MYOT: variants seen among roughly 807,000 people sequenced by gnomAD.
MYOT encodes the protein myotilin, also known as 57 kDa cytoskeletal protein.
MYOT carries 36 observed loss-of-function variants against 58.0 expected under a neutral mutation model. The ratio of observed to expected loss-of-function variants is 0.62; its 90% confidence interval spans 0.48 to 0.82. The LOEUF is 0.82. Ranked by LOEUF, MYOT falls within the 40% of genes least tolerant of loss-of-function variation. The pLI, the probability that MYOT is intolerant of heterozygous loss-of-function variation, is 0.00. For synonymous variants in MYOT, 218 were observed against 204.6 expected, an observed-to-expected ratio of 1.07 and a Z score of -0.56; for missense variants, 505 against 592.1, an observed-to-expected ratio of 0.85 and a Z score of 1.53.
intron 7 of MYOT, among the ~76,000 whole-genome samples, chr5:137,885,476 A>G (rs1345791952): frequency 6.6e-6 from 1 of 152,152 alleles, no homozygotes; most frequent in Non-Finnish European, 1.5e-5. Flanking sequence ...GATAAAGAAT[A>G]TAACTTAAAT....
chr5:137,881,928 C>A (rs1380847694), intron 5 of MYOT, 45 bp from the exon 6 acceptor site: 1 of 1,601,930 alleles, frequency 6.2e-7, no homozygotes, highest in African/African-American at 1.3e-5. Context: ...AAATGAAAAG[C>A]AATGATAATA....
chr5:137,882,264 T>G (rs989081068), intron 6 of MYOT, among the ~76,000 whole-genome samples, 159 bp downstream of exon 6: 9 of 152,226 alleles, frequency 5.9e-5, no homozygotes, highest in Admixed American at 5.9e-4. Flanking sequence ...ATTCTGGCTC[T>G]GCCATCCTCC....
At chr5:137,879,083 G>A (rs1048123702) in intron 4 of MYOT, among the ~76,000 whole-genome samples, 8 of 151,978 alleles carry the variant, frequency 5.3e-5, no homozygotes, top group Non-Finnish European at 7.4e-5. Context: ...CTATAGGTGC[G>A]CACACCGTGC....
chr5:137,884,181 T>C lies in MYOT; in HGVS notation c.1024+590T>C, dbSNP rs548080028. Among the ~76,000 whole-genome samples the C allele has an allele frequency of 3.3e-5, 5 of 152,222 alleles. No individual in the cohort carries two copies. In the South Asian group the frequency reaches 1.0e-3, roughly 32 times the overall value. ...CAGGGTAACAAATAGCAAGATCTTCTTTGTCTCTACAAAAAATAAAAAAAT... is the reference window on the plus strand; with the variant it reads ...CAGGGTAACAAATAGCAAGATCTTCCTTGTCTCTACAAAAAATAAAAAAAT... On this transcript the variant is annotated intron_variant, in intron 7 of 9. Transcript: ENST00000239926.
At chr5:137,885,771 C>CAAAAAAAAA (rs71583286) in intron 7 of MYOT, among the ~76,000 whole-genome samples, 7 of 30,980 alleles carry the variant, frequency 2.3e-4, no homozygotes, top group Non-Finnish European at 3.0e-4. Flanking sequence ...GACTCTGTCT[C>CAAAAAAAAA]AAAAAAAAAA....
chr5:137,873,386 T>C (rs1170487682), intron 2 of MYOT, among the ~76,000 whole-genome samples: 1 of 151,372 alleles, frequency 6.6e-6, no homozygotes, highest in Non-Finnish European at 1.5e-5. Flanking sequence ...ACAAAAAAAT[T>C]AGCAGGGTGT....
intron 4 of MYOT, among the ~76,000 whole-genome samples, chr5:137,878,983 T>C (rs1755323243): frequency 6.6e-6 from 1 of 152,166 alleles, no homozygotes; most frequent in South Asian, 2.1e-4. Flanking sequence ...AGCTTCCAAA[T>C]GTAGAAAACT....
intron 3 of MYOT, among the ~76,000 whole-genome samples, chr5:137,877,028 G>C (rs1226836032): frequency 6.7e-6 from 1 of 150,198 alleles, no homozygotes; most frequent in East Asian, 1.9e-4. Context: ...AATGGTACTA[G>C]AATAGAAGGA....
Position 137,880,826 on chromosome 5 carries a change from C to T in MYOT, c.644C>T (p.Ser215Leu), listed in dbSNP as rs1385637462. 1 of 1,612,682 alleles carries T rather than the reference C, an allele frequency of 6.2e-7. No homozygotes were observed. The highest frequency in any genetic ancestry group is 1.7e-5 in the Admixed American group (1 of 59,998). ...TGTTTTAATTTCAAGCAACACAACT[C>T]AGAACATGCGCGACTGCAAGTTCCT... ...SGAQDSQQHN[S>L]EHARLQVPTS... Residue 215 changes from serine to leucine, a missense_variant, in exon 5 of 10, where the codon TCA becomes TTA. Ser to Leu is a moderately radical substitution (Grantham distance 145). Coordinates refer to ENST00000239926, the MANE Select transcript of MYOT (RefSeq NM_006790.3).
chr5:137,877,382 A>AG, intron 3 of MYOT, 138 bp from the exon 4 acceptor site: 1 of 564,758 alleles, frequency 1.8e-6, no homozygotes, highest in East Asian at 3.2e-5. Flanking sequence ...AAAAAAAAAA[A>AG]AAAAAAAAAT....
In MYOT at chr5:137,881,976, T is replaced by G. The variant is rs1755447303; in HGVS notation, c.687T>G (p.Ser229Arg). The G allele has an allele frequency of 6.2e-7, 1 of 1,613,756 alleles. No individual in the cohort carries two copies. The highest frequency in any genetic ancestry group is 1.3e-5 in the African/African-American group (1 of 74,934). ...TGTTACCAAAATATTCTTGTAGAAG[T>G]AGATCAACCTCAAGGGGAGATGTGA... ...RLQVPTSQVR[S>R]RSTSRGDVND... Residue 229 changes from serine to arginine, a missense_variant, in exon 6 of 10, where the codon AGT becomes AGG. Ser to Arg is a moderately radical substitution (Grantham distance 110). Coordinates refer to ENST00000239926, the MANE Select transcript of MYOT (RefSeq NM_006790.3).
chr5:137,882,226 T>C (rs1249151472), intron 6 of MYOT, 121 bp downstream of exon 6: 6 of 1,145,996 alleles, frequency 5.2e-6, no homozygotes, highest in Non-Finnish European at 7.8e-6. Flanking sequence ...AGAACACAAA[T>C]TCTGAAGTCA....
At position 137,886,076 on chromosome 5, in the gene MYOT, T is replaced by C; in HGVS notation, c.1053T>C (p.Phe351=). 1.2e-6 allele frequency: 2 copies of C among 1,604,278 alleles called. No individual in the cohort carries two copies. The highest frequency in any genetic ancestry group is 1.7e-6 in the Non-Finnish European group (2 of 1,171,706). Residue 351 remains phenylalanine (F), a synonymous_variant, in exon 8 of 10, where the codon TTT becomes TTC. Coordinates refer to ENST00000239926, the MANE Select transcript of MYOT (RefSeq NM_006790.3). The part of the protein sequence containing the change: ...LAKEHKRAPM[F]IYKPQSKKVL... ...AAGAACATAAAAGAGCACCAATGTT[T>C]ATCTACAAACCACAGAGCAAAAAAG...
At chr5:137,885,968 C>T in intron 7 of MYOT, 80 bp from the exon 8 acceptor site, 3 of 986,128 alleles carry the variant, frequency 3.0e-6, no homozygotes, top group African/African-American at 3.3e-5. Context: ...TATCAACATA[C>T]AAATTTCATA....
intron 4 of MYOT, 29 bp downstream of exon 4, chr5:137,877,650 T>C (rs748364651): frequency 2.1e-6 from 3 of 1,453,372 alleles, no homozygotes; most frequent in Non-Finnish European, 2.9e-6. Context: ...AGTGGAGTAT[T>C]TTTATTCTGT....
In MYOT at chr5:137,887,345, T is replaced by C. The variant is rs372307298; in HGVS notation, c.1457T>C (p.Leu486Ser). ...AFNPEGEFQRLAAQSGLYESE... is the reference protein window; with the variant it reads ...AFNPEGEFQRSAAQSGLYESE... The stretch of plus-strand genomic sequence containing the variant: ...AACCCAGAAGGAGAATTTCAGCGTT[T>C]GGCAGCTCAATCTGGACTCTATGAA... Residue 486 changes from leucine (L) to serine (S), a missense_variant, in exon 10 of 10, where the codon TTG becomes TCG. Coordinates refer to ENST00000239926, the MANE Select transcript of MYOT (RefSeq NM_006790.3). 3 of 1,613,942 alleles carry C rather than the reference T, an allele frequency of 1.9e-6. No homozygotes were observed. In the African/African-American group the frequency reaches 4.0e-5, roughly 22 times the overall value.
At position 137,870,798 on chromosome 5, in the gene MYOT, GCAAAGATTTTCTGC is replaced by G; in HGVS notation, c.149_162del (p.Gln50LeufsTer36). On this transcript the variant is annotated frameshift_variant, in exon 2 of 10. Coordinates refer to ENST00000239926, the MANE Select transcript of MYOT (RefSeq NM_006790.3). LOFTEE classifies it high-confidence loss of function. ...TCATCCAGCCCCGCCAGTGTACAGA[GCAAAGATTTTCTGC>G]CTCCTCAACACTGAGCTCTCACATC... 1 of 1,614,150 alleles carries G rather than the reference GCAAAGATTTTCTGC, an allele frequency of 6.2e-7. No homozygotes were observed. The highest frequency in any genetic ancestry group is 2.2e-5 in the East Asian group (1 of 44,882).
chr5:137,875,468 C>A (rs1755180704), intron 2 of MYOT, among the ~76,000 whole-genome samples: 1 of 152,084 alleles, frequency 6.6e-6, no homozygotes, highest in African/African-American at 2.4e-5. Flanking sequence ...AACAAACATG[C>A]ACATGTACTC....
In MYOT at chr5:137,880,810, T is replaced by A; in HGVS notation, c.634-6T>A. On this transcript the variant is annotated splice_region_variant and splice_polypyrimidine_tract_variant and intron_variant, in intron 4 of 9. Transcript: ENST00000239926. ...GTAAACATTCTTACTTTGTTTTAAT[T>A]TCAAGCAACACAACTCAGAACATGC... The A allele has an allele frequency of 1.9e-6, 3 of 1,611,152 alleles. No homozygotes were observed. The highest frequency in any genetic ancestry group is 2.5e-6 in the Non-Finnish European group (3 of 1,177,476).
Sources: allele counts gnomAD v4.1 joint callset (sites outside exome capture counted in the v4.1 genomes callset), GRCh38; gene constraint gnomAD v4.1.1; transcripts MANE v1.5; gene names NCBI Gene and HGNC (gene_info 2026-07-23, HGNC 2026-07-21).